Variants in GRIP1 observed in about 807,000 individuals in gnomAD.
GRIP1 encodes glutamate receptor interacting protein 1.
Under a neutral mutation model 129.9 loss-of-function variants are expected in GRIP1, and 45 were observed. The observed-to-expected ratio is 0.35, with a 90% CI of 0.27 to 0.44. The LOEUF is 0.44. Among genes scored for constraint, GRIP1 ranks in the 20% least tolerant of loss-of-function variants. GRIP1 has a pLI of 1.00. For synonymous variants in GRIP1, 530 were observed against 520.8 expected, an observed-to-expected ratio of 1.02 and a Z score of -0.24; for missense variants, 1,196 against 1,396.8, an observed-to-expected ratio of 0.86 and a Z score of 2.29.
intron 1 of GRIP1, among the ~76,000 whole-genome samples, chr12:66,856,949 A>G (rs2040016202): frequency 6.6e-6 from 1 of 152,324 alleles, no homozygotes; most frequent in South Asian, 2.1e-4. Flanking sequence ...CACTATTCAC[A>G]ATAGCAAAGA....
chr12:67,041,173 A>G (rs1312839286), intron 1 of GRIP1, among the ~76,000 whole-genome samples: 1 of 152,016 alleles, frequency 6.6e-6, no homozygotes, highest in African/African-American at 2.4e-5. Flanking sequence ...CTCTCTCTAT[A>G]TGTACACATA....
At chr12:66,397,110 C>CAAAA (rs71436004) in intron 16 of GRIP1, among the ~76,000 whole-genome samples, 1,405 of 59,808 alleles carry the variant, frequency 0.023, 171 homozygotes, top group Non-Finnish European at 0.032. Flanking sequence ...GACTCTGTCT[C>CAAAA]AAAAAAAAAA....
intron 1 of GRIP1, among the ~76,000 whole-genome samples, chr12:66,866,908 TGTC>T (rs1566057701): frequency 6.6e-6 from 1 of 152,220 alleles, no homozygotes. Context: ...CAGAATATCA[TGTC>T]GTACACAGTA....
chr12:66,537,509 A>G (rs1163782677), intron 4 of GRIP1, among the ~76,000 whole-genome samples: 1 of 108,672 alleles, frequency 9.2e-6, no homozygotes, highest in East Asian at 2.5e-4. Flanking sequence ...TGCTTCAGAA[A>G]TGGATATATC....
At chr12:66,889,297 T>C (rs982600386) in intron 1 of GRIP1, among the ~76,000 whole-genome samples, 1 of 152,014 alleles carries the variant, frequency 6.6e-6, no homozygotes, top group South Asian at 2.1e-4. Context: ...CCATCTCTAC[T>C]ACAAATACAA....
rs190835526 is a variant in GRIP1 at position 66,707,290 on chromosome 12, C to G, written c.-419-76954G>C. On this transcript the variant is annotated intron_variant, in intron 1 of 4. Coordinates refer to the GRIP1 transcript ENST00000538373. The stretch of plus-strand genomic sequence containing the variant: ...CTCTGAGAGCTTCCCATAATTGGCC[C>G]TTAGATAGTGAGATCTAAGGAATTA... Among the ~76,000 whole-genome samples the G allele has an allele frequency of 6.3e-3, 961 of 151,882 alleles. 19 individuals are homozygous for G. The highest frequency in any genetic ancestry group is 5.5e-3 in the Non-Finnish European group (376 of 67,906).
In GRIP1 at chr12:66,732,692, A is replaced by G. The variant is rs546476922; in HGVS notation, c.-420+71361T>C. Among the ~76,000 whole-genome samples the G allele has an allele frequency of 7.2e-5, 11 of 152,314 alleles. No homozygotes were observed. The South Asian group carries it at 2.3e-3, about 32-fold the overall frequency. ...TTACTTTATTACAAGAATATAGTAT[A>G]TAATACATATAAAATATGTATCAAC... On this transcript the variant is annotated intron_variant, in intron 1 of 4. Coordinates refer to the GRIP1 transcript ENST00000538373.
At chr12:66,442,861 T>C (rs916767588) in intron 13 of GRIP1, among the ~76,000 whole-genome samples, 1 of 152,264 alleles carries the variant, frequency 6.6e-6, no homozygotes, top group Non-Finnish European at 1.5e-5. Context: ...AAATTAACTT[T>C]CTATATGCTG....
chr12:66,730,393 T>C (rs189952707), intron 1 of GRIP1, among the ~76,000 whole-genome samples: 1 of 152,284 alleles, frequency 6.6e-6, no homozygotes, highest in Admixed American at 6.5e-5. Flanking sequence ...ATTGTGTGTA[T>C]GTAGCTTACT....
chr12:66,419,921 C>A (rs2057743714), intron 15 of GRIP1, among the ~76,000 whole-genome samples: 1 of 152,116 alleles, frequency 6.6e-6, no homozygotes, highest in South Asian at 2.1e-4. Flanking sequence ...CATGGCAAAA[C>A]CCCGCCTCTA....
chr12:66,558,962 T>A (rs1355885713), intron 2 of GRIP1, among the ~76,000 whole-genome samples: 1 of 151,974 alleles, frequency 6.6e-6, no homozygotes, highest in Non-Finnish European at 1.5e-5. Context: ...CAAGATCACA[T>A]TGAAAACATC....
At chr12:66,601,083 T>C (rs966162727) in intron 1 of GRIP1, among the ~76,000 whole-genome samples, 1 of 152,112 alleles carries the variant, frequency 6.6e-6, no homozygotes, top group African/African-American at 2.4e-5. Context: ...ATTGACATGG[T>C]GACAAAGGCA....
At chr12:66,413,079 G>A (rs112917347) in intron 15 of GRIP1, among the ~76,000 whole-genome samples, 2 of 152,142 alleles carry the variant, frequency 1.3e-5, no homozygotes, top group African/African-American at 4.8e-5. Flanking sequence ...AGATATTCAG[G>A]ACTCGAACTC....
intron 1 of GRIP1, among the ~76,000 whole-genome samples, chr12:66,972,475 G>A (rs1409762220): frequency 1.3e-5 from 2 of 152,202 alleles, no homozygotes; most frequent in African/African-American, 4.8e-5. Flanking sequence ...CAATTCAGCA[G>A]CCATGTGACC....
At chr12:66,615,735 C>T (rs1399820220) in intron 1 of GRIP1, among the ~76,000 whole-genome samples, 1 of 152,148 alleles carries the variant, frequency 6.6e-6, no homozygotes, top group Non-Finnish European at 1.5e-5. Flanking sequence ...ACTTTCGCCT[C>T]CTGGGTTCAA....
chr12:66,654,974 T>G (rs1050264894), intron 1 of GRIP1, among the ~76,000 whole-genome samples: 1 of 152,256 alleles, frequency 6.6e-6, no homozygotes, highest in Non-Finnish European at 1.5e-5. Flanking sequence ...ATTCTTATTT[T>G]ATTTTCATTA....
intron 23 of GRIP1, among the ~76,000 whole-genome samples, chr12:66,364,196 G>C (rs1194914205): frequency 6.8e-6 from 1 of 147,770 alleles, no homozygotes; most frequent in Non-Finnish European, 1.5e-5. Flanking sequence ...AACCCAGGAG[G>C]TGGAGGTTGC....
At chr12:66,749,703 T>A (rs940109211) in intron 1 of GRIP1, among the ~76,000 whole-genome samples, 2 of 152,134 alleles carry the variant, frequency 1.3e-5, no homozygotes, top group Non-Finnish European at 2.9e-5. Context: ...CACATATGCA[T>A]CTTCCGGATG....
chr12:66,480,328 A>G (rs1192505006), intron 7 of GRIP1, among the ~76,000 whole-genome samples: 1 of 152,218 alleles, frequency 6.6e-6, no homozygotes, highest in African/African-American at 2.4e-5. Flanking sequence ...CAAAGTGAAT[A>G]AAATACATAG....
Sources: gnomAD v4.1 joint callset for allele counts (sites outside exome capture counted in the v4.1 genomes callset) on GRCh38, gnomAD v4.1.1 for gene constraint, MANE v1.5 for transcripts, NCBI Gene and HGNC (gene_info 2026-07-23, HGNC 2026-07-21) for gene names.